CAPS2: variants seen among roughly 807,000 people sequenced by gnomAD.
CAPS2 encodes calcyphosin-2.
Under a neutral mutation model 86.5 loss-of-function variants are expected in CAPS2, and 98 were observed. The ratio of observed to expected loss-of-function variants is 1.13; its 90% CI spans 0.96 to 1.34. CAPS2 has a LOEUF of 1.34. Ranked by LOEUF, CAPS2 falls within the 40% of genes most tolerant of loss-of-function variation. The pLI, the probability that CAPS2 is intolerant of heterozygous loss-of-function variation, is 0.00. For synonymous variants in CAPS2, 210 were observed against 225.1 expected (o/e 0.93, Z 0.60); for missense variants, 729 against 686.8 (o/e 1.06, Z -0.69).
intron 11 of CAPS2, among the ~76,000 whole-genome samples, chr12:75,297,746 T>A (rs1250875145): frequency 6.6e-6 from 1 of 152,194 alleles, no homozygotes; most frequent in Non-Finnish European, 1.5e-5. Flanking sequence ...CCAACCAGAC[T>A]GAACTACTTC....
At chr12:75,371,903 T>G (rs1161784847) in intron 1 of CAPS2, among the ~76,000 whole-genome samples, 1 of 152,230 alleles carries the variant, frequency 6.6e-6, no homozygotes, top group African/African-American at 2.4e-5. Context: ...CCATTGACCT[T>G]AATCACAGGC....
intron 13 of CAPS2, among the ~76,000 whole-genome samples, chr12:75,291,282 C>A (rs943424373): frequency 6.6e-6 from 1 of 151,120 alleles, no homozygotes; most frequent in South Asian, 2.1e-4. Flanking sequence ...ACACCACAAA[C>A]CTCTTCAGGA....
At chr12:75,318,478 T>C (rs1238095534) in intron 5 of CAPS2, among the ~76,000 whole-genome samples, 2 of 152,050 alleles carry the variant, frequency 1.3e-5, no homozygotes, top group Non-Finnish European at 2.9e-5. Flanking sequence ...TCCCTTTAAC[T>C]CTCTTACCAA....
At chr12:75,358,890 T>C (rs889903327) in intron 1 of CAPS2, among the ~76,000 whole-genome samples, 2 of 141,634 alleles carry the variant, frequency 1.4e-5, no homozygotes, top group Admixed American at 7.2e-5. Flanking sequence ...ATTATATATA[T>C]TACATATAAT....
intron 15 of CAPS2, 126 bp from the exon 16 acceptor site, chr12:75,282,473 G>T: frequency 3.1e-6 from 2 of 639,366 alleles, no homozygotes; most frequent in East Asian, 2.9e-5. Context: ...TGCAATCTCC[G>T]CCTCCCAGGT....
At chr12:75,305,589 G>T (rs1344751123) in intron 7 of CAPS2, 18 of 626,456 alleles carry the variant, frequency 2.9e-5, no homozygotes, top group South Asian at 2.8e-5. Flanking sequence ...CTCCAGACCC[G>T]ACCACTGCCC....
chr12:75,376,477 AC>A (rs928239770), intron 1 of CAPS2, among the ~76,000 whole-genome samples: 1 of 152,156 alleles, frequency 6.6e-6, no homozygotes, highest in African/African-American at 2.4e-5. Flanking sequence ...CTAGAAGCAA[AC>A]AGCAGTGTTG....
intron 1 of CAPS2, among the ~76,000 whole-genome samples, chr12:75,381,647 G>A (rs1433729226): frequency 1.5e-4 from 17 of 116,672 alleles, no homozygotes; most frequent in African/African-American, 3.7e-4. Flanking sequence ...ACAGAGTCTC[G>A]CTCTGTCACC....
At chr12:75,296,119 G>A (rs952994527) in intron 11 of CAPS2, among the ~76,000 whole-genome samples, 5 of 152,066 alleles carry the variant, frequency 3.3e-5, no homozygotes, top group Non-Finnish European at 7.4e-5. Context: ...TTAGTTGAGG[G>A]AGGGTAAGAT....
intron 14 of CAPS2, among the ~76,000 whole-genome samples, chr12:75,287,042 G>A (rs1333977434): frequency 6.6e-6 from 1 of 150,820 alleles, no homozygotes; most frequent in Non-Finnish European, 1.5e-5. Flanking sequence ...ACTTGTGTGT[G>A]ATTTTATAAA....
At chr12:75,379,853 T>TAAAAAAAAAAAAA (rs35309353) in intron 1 of CAPS2, among the ~76,000 whole-genome samples, 1 of 111,930 alleles carries the variant, frequency 8.9e-6, no homozygotes. Flanking sequence ...TCCCTATCAG[T>TAAAAAAAAAAAAA]AAAAAAAAAA....
Position 75,361,166 on chromosome 12 carries a change from G to T in CAPS2, c.-395+29672C>A, listed in dbSNP as rs186211784. 5 of 152,220 alleles carry T rather than the reference G, an allele frequency of 3.3e-5. No individual in the cohort carries two copies. The East Asian group carries it at 9.7e-4, about 29-fold the overall frequency. 9.4% of individuals were successfully genotyped at this position (152,220 alleles called of 1,614,324 possible). On this transcript the variant is annotated intron_variant, in intron 1 of 5. Transcript: ENST00000551829. ...CTGGGGCTCTTTATGGACTCAGAAT[G>T]AAGAGTGTGTGCTGATTGGTCTGTT...
chr12:75,300,975 G>A (rs1021745002), intron 8 of CAPS2, among the ~76,000 whole-genome samples: 1 of 152,180 alleles, frequency 6.6e-6, no homozygotes, highest in Non-Finnish European at 1.5e-5. Flanking sequence ...GGGGAAGAGT[G>A]CTGAATGAAG....
chr12:75,291,408 T>C (rs2035825203), intron 13 of CAPS2, among the ~76,000 whole-genome samples: 1 of 140,930 alleles, frequency 7.1e-6, no homozygotes, highest in Non-Finnish European at 1.5e-5. Flanking sequence ...ATTTTATAAT[T>C]CATATAATAC....
At chr12:75,337,239 AC>A (rs1285387153) in intron 1 of CAPS2, among the ~76,000 whole-genome samples, 2 of 151,828 alleles carry the variant, frequency 1.3e-5, no homozygotes, top group African/African-American at 2.4e-5. Flanking sequence ...TTTTTAAAAA[AC>A]TAAAGATGAT....
chr12:75,370,460 G>A lies in CAPS2; in HGVS notation c.-395+20378C>T, dbSNP rs922258118. 1.3e-5 allele frequency: 3 copies of A among 227,890 alleles called. No homozygotes were observed. The South Asian group carries it at 3.2e-4, about 25-fold the overall frequency. 14.1% of individuals were successfully genotyped at this position (227,890 alleles called of 1,614,324 possible). A position where few individuals can be genotyped will look rare whatever the true frequency, so the allele number is the denominator to read the frequency against. ...AGAATGGATTATCATTTTAGTTATAGTACATTTAGAGAACTAAAGACTTTT... is the reference window on the plus strand; with the variant it reads ...AGAATGGATTATCATTTTAGTTATAATACATTTAGAGAACTAAAGACTTTT... On this transcript the variant is annotated intron_variant, in intron 1 of 5. Coordinates refer to the CAPS2 transcript ENST00000551829.
chr12:75,389,754 C>T (rs1005878543), intron 1 of CAPS2, among the ~76,000 whole-genome samples: 1 of 152,140 alleles, frequency 6.6e-6, no homozygotes, highest in Non-Finnish European at 1.5e-5. Flanking sequence ...TCCAGAAAGG[C>T]TTCCCTGCTC....
chr12:75,384,058 T>C (rs2045149173), intron 1 of CAPS2, among the ~76,000 whole-genome samples: 1 of 151,876 alleles, frequency 6.6e-6, no homozygotes, highest in South Asian at 2.1e-4. Context: ...AATAAATATA[T>C]TAGAAAAGAA....
At chr12:75,277,149 T>C (rs575038514), downstream of CAPS2, 2 of 982,584 alleles carry the variant, frequency 2.0e-6, no homozygotes, top group Middle Eastern at 5.2e-4. Context: ...GTTAGGAAGA[T>C]TAAGATTAAT....
Sources: allele counts gnomAD v4.1 joint callset (sites outside exome capture counted in the v4.1 genomes callset), GRCh38; gene constraint gnomAD v4.1.1; transcripts MANE v1.5; gene names NCBI Gene and HGNC (gene_info 2026-07-23, HGNC 2026-07-21).